The following ECT2 variants were observed in gnomAD, a reference collection of about 807,000 sequenced individuals.
ECT2 encodes the protein protein ECT2.
A neutral mutation model predicts 116.9 loss-of-function variants in ECT2; 61 were observed. The ratio of observed to expected loss-of-function variants is 0.52; its 90% CI spans 0.42 to 0.65. The LOEUF (loss-of-function observed/expected upper bound fraction) is 0.65. Ranked by LOEUF, ECT2 falls within the 30% of genes least tolerant of loss-of-function variation. The pLI is 0.00. For missense variants in ECT2, 937 were observed against 1,078.7 expected (o/e 0.87, Z 1.84); for synonymous variants, 358 against 346.4 (o/e 1.03, Z -0.37).
intron 18 of ECT2, among the ~76,000 whole-genome samples, chr3:172,791,613 A>C (rs1576967796): frequency 6.6e-6 from 1 of 152,356 alleles, no homozygotes; most frequent in South Asian, 2.1e-4. Context: ...TTTCTTCTGC[A>C]GCTTTCTTAC....
Position 172,820,380 on chromosome 3 carries a change from C to A in ECT2, c.*143C>A. 2 of 459,942 alleles carry A rather than the reference C, an allele frequency of 4.3e-6. No homozygotes were observed. The highest frequency in any genetic ancestry group is 7.3e-6 in the Non-Finnish European group (2 of 274,760). 28.5% of individuals were successfully genotyped at this position (459,942 alleles called of 1,614,324 possible). A position where few individuals can be genotyped will look rare whatever the true frequency, so the allele number is the denominator to read the frequency against. On this transcript the variant is annotated 3_prime_UTR_variant, in exon 25 of 25. Coordinates refer to ENST00000392692, the MANE Select transcript of ECT2 (RefSeq NM_001258315.2). ...CACTAAACTATGCTATTTGATTTTT[C>A]TTCTTGAAAGAGTAAGGTTTACCTG... is the stretch of plus-strand genomic sequence containing the variant.
At chr3:172,789,529 A>G (rs1455376095) in intron 18 of ECT2, among the ~76,000 whole-genome samples, 2 of 152,110 alleles carry the variant, frequency 1.3e-5, no homozygotes, top group South Asian at 2.1e-4. Flanking sequence ...TAAGACAGCA[A>G]TGAAGTTGGC....
At chr3:172,760,340 T>C (rs1717983745) in intron 7 of ECT2, 77 bp downstream of exon 7, 1 of 730,102 alleles carries the variant, frequency 1.4e-6, no homozygotes. Context: ...CAGTCTTTTA[T>C]CTATTTCTTT....
chr3:172,781,757 C>G (rs1028760718), intron 14 of ECT2, among the ~76,000 whole-genome samples: 1 of 151,946 alleles, frequency 6.6e-6, no homozygotes. Context: ...TTTACTGACC[C>G]CCTGTTAGAG....
intron 18 of ECT2, among the ~76,000 whole-genome samples, chr3:172,796,921 A>G (rs560035405): frequency 2.6e-5 from 4 of 152,150 alleles, no homozygotes; most frequent in African/African-American, 9.6e-5. Context: ...AGCCTCCCAC[A>G]GTGCTGGAAT....
intron 18 of ECT2, among the ~76,000 whole-genome samples, chr3:172,795,543 T>C (rs1194173148): frequency 5.3e-5 from 8 of 152,174 alleles, no homozygotes; most frequent in Admixed American, 5.2e-4. Context: ...ATTTACAACA[T>C]ACCCATGTAT....
At chr3:172,773,437 C>A (rs1286077510) in intron 13 of ECT2, among the ~76,000 whole-genome samples, 1 of 151,988 alleles carries the variant, frequency 6.6e-6, no homozygotes, top group Non-Finnish European at 1.5e-5. Context: ...TAGATTGATA[C>A]AAGCAGAAAC....
intron 10 of ECT2, 35 bp from the exon 11 acceptor site, chr3:172,762,875 A>G (rs760287034): frequency 6.2e-7 from 1 of 1,611,352 alleles, no homozygotes; most frequent in African/African-American, 1.3e-5. Flanking sequence ...AAATAAATGT[A>G]AACTGTTTAT....
At chr3:172,794,019 G>T (rs1576978389) in intron 18 of ECT2, among the ~76,000 whole-genome samples, 1 of 151,728 alleles carries the variant, frequency 6.6e-6, no homozygotes, top group African/African-American at 2.4e-5. Context: ...AAAGATATAT[G>T]ATTTGCAAAT....
At chr3:172,782,044 C>A in intron 14 of ECT2, 119 bp from the exon 15 acceptor site, 1 of 449,446 alleles carries the variant, frequency 2.2e-6, no homozygotes, top group South Asian at 7.5e-5. Flanking sequence ...CATTATTTTA[C>A]ACATCAAATT....
chr3:172,815,763 CTA>C, intron 23 of ECT2, 52 bp downstream of exon 23: 1 of 1,166,232 alleles, frequency 8.6e-7, no homozygotes, highest in Non-Finnish European at 1.3e-6. Flanking sequence ...ATTTTCCAGA[CTA>C]TATTCAAATA....
At chr3:172,828,378 C>T in the ECT2 span, among the ~76,000 whole-genome samples, 2 of 144,154 alleles carry the variant, frequency 1.4e-5, no homozygotes, top group Non-Finnish European at 3.0e-5. Flanking sequence ...GTGCATAAAA[C>T]GTGACTAATT....
chr3:172,825,759 C>T (rs1730825066), downstream of ECT2, among the ~76,000 whole-genome samples: 1 of 152,182 alleles, frequency 6.6e-6, no homozygotes, highest in Admixed American at 6.5e-5. Context: ...CAATGTGAAG[C>T]AGCAAATGCT....
intron 18 of ECT2, among the ~76,000 whole-genome samples, chr3:172,794,935 C>T (rs1725339042): frequency 6.6e-6 from 1 of 152,046 alleles, no homozygotes; most frequent in Non-Finnish European, 1.5e-5. Flanking sequence ...TGGTCTCGAA[C>T]TCCTGACCTC....
At chr3:172,785,849 G>T (rs775464309) in intron 17 of ECT2, among the ~76,000 whole-genome samples, 2 of 152,080 alleles carry the variant, frequency 1.3e-5, no homozygotes, top group Non-Finnish European at 2.9e-5. Flanking sequence ...AAACATTGTG[G>T]TTTTCTTCTG....
intron 18 of ECT2, among the ~76,000 whole-genome samples, chr3:172,796,749 C>A (rs146106454): frequency 6.6e-6 from 1 of 152,252 alleles, no homozygotes; most frequent in African/African-American, 2.4e-5. Flanking sequence ...TCACTGCAAC[C>A]TCTGCCTCTC....
intron 4 of ECT2, among the ~76,000 whole-genome samples, chr3:172,756,415 C>T (rs1331476915): frequency 1.3e-5 from 2 of 152,102 alleles, no homozygotes; most frequent in Admixed American, 6.5e-5. Context: ...TTATATCCTA[C>T]ATTTGCCATG....
chr3:172,807,630 A>G, intron 21 of ECT2, 140 bp from the exon 22 acceptor site: 1 of 947,792 alleles, frequency 1.1e-6, no homozygotes. Context: ...TCTTTGTCTT[A>G]TTAAAAATAG....
At chr3:172,808,416 A>G (rs1238698152) in intron 22 of ECT2, among the ~76,000 whole-genome samples, 1 of 152,144 alleles carries the variant, frequency 6.6e-6, no homozygotes, top group Non-Finnish European at 1.5e-5. Flanking sequence ...GTTGAAAATG[A>G]AAGTTGCCAA....
Sources: allele counts gnomAD v4.1 joint callset (sites outside exome capture counted in the v4.1 genomes callset), GRCh38; gene constraint gnomAD v4.1.1; transcripts MANE v1.5; gene names NCBI Gene and HGNC (gene_info 2026-07-23, HGNC 2026-07-21).